LAMA2: variants seen among roughly 807,000 people sequenced by gnomAD.
The protein encoded by LAMA2 is laminin subunit alpha 2.
Under a neutral mutation model 364.8 loss-of-function variants are expected in LAMA2, and 269 were observed. That is an observed-to-expected ratio of 0.74 (90% CI 0.67 to 0.82). LAMA2 has a LOEUF of 0.82. LAMA2 is among the 40% of genes least tolerant of loss of function. The probability of loss-of-function intolerance (pLI) is 0.00; values close to 1 mark genes in which losing one functional copy is unlikely to be tolerated. For missense variants in LAMA2, 3,807 were observed against 3,873.2 expected, an observed-to-expected ratio of 0.98 and a Z score of 0.45; for synonymous variants, 1,379 against 1,370.6, an observed-to-expected ratio of 1.01 and a Z score of -0.14.
intron 12 of LAMA2, among the ~76,000 whole-genome samples, chr6:129,220,263 T>C (rs1382503198): frequency 6.6e-6 from 1 of 152,174 alleles, no homozygotes; most frequent in Non-Finnish European, 1.5e-5. Context: ...TCAAAAAACA[T>C]ATAGTGAAAT....
intron 12 of LAMA2, among the ~76,000 whole-genome samples, chr6:129,204,990 A>T (rs1448868354): frequency 6.6e-6 from 1 of 152,168 alleles, no homozygotes; most frequent in Non-Finnish European, 1.5e-5. Flanking sequence ...AACATATAGG[A>T]AAGTCAACCA....
Position 129,317,899 on chromosome 6 carries a change from C to CT in LAMA2, c.4058+1740dup, listed in dbSNP as rs200870111. On this transcript the variant is annotated intron_variant, in intron 27 of 64. Coordinates refer to ENST00000421865, the MANE Select transcript of LAMA2 (RefSeq NM_000426.4). ...ACCTTCCTACACTGTGACACTTTGT[C>CT]TTTTTTTTTTTTCCCGCCCTATGTC... Among the ~76,000 whole-genome samples, 412 of 144,588 alleles carry CT rather than the reference C, an allele frequency of 2.8e-3. 2 individuals are homozygous for CT. Among genetic ancestry groups the CT allele is most frequent in the East Asian group, 8.9e-3 (45 of 5,028 alleles). 94.9% of individuals were successfully genotyped at this position (144,588 alleles called of 152,430 possible).
At chr6:129,187,441 G>A (rs1781293132) in intron 10 of LAMA2, among the ~76,000 whole-genome samples, 1 of 151,718 alleles carries the variant, frequency 6.6e-6, no homozygotes, top group African/African-American at 2.4e-5. Context: ...TTATGCCAAT[G>A]TCTCACATTT....
In LAMA2 at chr6:129,464,344, A is replaced by G. The variant is rs1383673349; in HGVS notation, c.7047A>G (p.Ala2349=). The G allele has an allele frequency of 6.2e-7, 1 of 1,612,200 alleles. No individual in the cohort carries two copies. The highest frequency in any genetic ancestry group is 1.1e-5 in the South Asian group (1 of 91,062). ...GTIQFDGEGY[A]LVSRPIRWYP... is the part of the protein sequence containing the mutation. ...TTCAATTTGATGGAGAAGGTTATGCATTGGTCAGCCGTCCCATTCGCTGGT... is the reference window on the plus strand; with the variant it reads ...TTCAATTTGATGGAGAAGGTTATGCGTTGGTCAGCCGTCCCATTCGCTGGT... The change falls in exon 50 of 65, where the codon GCA becomes GCG. Residue 2349 remains alanine, a synonymous_variant. Transcript: ENST00000421865.
chr6:128,910,960 G>C (rs915906825), intron 1 of LAMA2, among the ~76,000 whole-genome samples: 102 of 151,354 alleles, frequency 6.7e-4, no homozygotes, highest in Admixed American at 1.3e-3. Flanking sequence ...GGGGTCAGGG[G>C]TCAGGGACCC....
intron 43 of LAMA2, among the ~76,000 whole-genome samples, chr6:129,441,878 G>T (rs1782132251): frequency 1.3e-5 from 2 of 152,094 alleles, no homozygotes; most frequent in African/African-American, 4.8e-5. Flanking sequence ...AGCCACTTGG[G>T]AGTCTGAGGC....
chr6:129,089,078 G>A (rs1173653142), intron 3 of LAMA2, among the ~76,000 whole-genome samples: 1 of 152,220 alleles, frequency 6.6e-6, no homozygotes, highest in Non-Finnish European at 1.5e-5. Context: ...TCGGGAGGCC[G>A]AGGCTGGCAG....
At chr6:129,334,858 C>A (rs1775858832) in intron 29 of LAMA2, among the ~76,000 whole-genome samples, 1 of 152,052 alleles carries the variant, frequency 6.6e-6, no homozygotes, top group African/African-American at 2.4e-5. Flanking sequence ...GAGGCTCCAG[C>A]CTCATGATGT....
At chr6:129,159,195 G>A in intron 8 of LAMA2, 2 of 1,219,360 alleles carry the variant, frequency 1.6e-6, no homozygotes, top group African/African-American at 1.5e-5. Flanking sequence ...TTAAATGACT[G>A]TCATTCAGTG....
At chr6:129,492,134 G>T in intron 57 of LAMA2, 57 bp downstream of exon 57, 2 of 1,526,444 alleles carry the variant, frequency 1.3e-6, no homozygotes, top group African/African-American at 2.7e-5. Flanking sequence ...CTTGCTATTA[G>T]GGGTCCCAAT....
chr6:129,051,203 T>A (rs1038964769), intron 2 of LAMA2, among the ~76,000 whole-genome samples: 1 of 146,818 alleles, frequency 6.8e-6, no homozygotes, highest in Non-Finnish European at 1.5e-5. Context: ...AATATATATA[T>A]AAAATATATA....
intron 10 of LAMA2, among the ~76,000 whole-genome samples, chr6:129,183,670 G>A (rs1414297896): frequency 6.6e-6 from 1 of 151,890 alleles, no homozygotes; most frequent in East Asian, 1.9e-4. Context: ...TGCTTAGCCA[G>A]GCATTTTTAA....
At chr6:128,948,310 C>T (rs1780604703) in intron 1 of LAMA2, among the ~76,000 whole-genome samples, 1 of 152,122 alleles carries the variant, frequency 6.6e-6, no homozygotes, top group African/African-American at 2.4e-5. Flanking sequence ...CTCCCTTCAT[C>T]AACAAAGATA....
chr6:129,360,215 C>T (rs1380008740), intron 32 of LAMA2, among the ~76,000 whole-genome samples: 1 of 152,148 alleles, frequency 6.6e-6, no homozygotes, highest in African/African-American at 2.4e-5. Flanking sequence ...GCCATTACTG[C>T]ACTTTATCAA....
chr6:129,431,746 G>T (rs1781607388), intron 41 of LAMA2, among the ~76,000 whole-genome samples: 1 of 152,152 alleles, frequency 6.6e-6, no homozygotes, highest in South Asian at 2.1e-4. Flanking sequence ...ACAGAGAACA[G>T]TATGAAACAT....
At position 129,165,654 on chromosome 6, in the gene LAMA2, G is replaced by C. The variant is rs1434410094; in HGVS notation, c.1285G>C (p.Asp429His). 2 of 1,611,266 alleles carry C rather than the reference G, an allele frequency of 1.2e-6. No homozygotes were observed. Among genetic ancestry groups the C allele is most frequent in the African/African-American group, 2.7e-5 (2 of 74,874 alleles). The part of the protein sequence containing the change: ...IGSLNEVCVK[D>H]EKHARRGLAP... ...TTCCTTAAATGAAGTCTGTGTCAAGGATGAGAAACATGCTCGACGAGGTGA... is the reference window on the plus strand; with the variant it reads ...TTCCTTAAATGAAGTCTGTGTCAAGCATGAGAAACATGCTCGACGAGGTGA... Residue 429 changes from aspartate to histidine, a missense_variant, in exon 9 of 65, where the codon GAT (aspartate) becomes CAT (histidine). Asp to His is a moderately conservative substitution (Grantham distance 81). Transcript: ENST00000421865.
chr6:128,987,366 G>T (rs1222178517), intron 1 of LAMA2, among the ~76,000 whole-genome samples: 1 of 151,926 alleles, frequency 6.6e-6, no homozygotes, highest in Non-Finnish European at 1.5e-5. Flanking sequence ...TGGTCTCAAA[G>T]TCCTGACCTT....
At chr6:129,250,329 A>T (rs1400008893) in intron 13 of LAMA2, 116 bp downstream of exon 13, 10 of 714,326 alleles carry the variant, frequency 1.4e-5, no homozygotes, top group Non-Finnish European at 1.5e-5. Context: ...CTAAAAAAAA[A>T]TATACCTTAG....
chr6:129,043,064 T>TA (rs1349703907), intron 1 of LAMA2, among the ~76,000 whole-genome samples: 8 of 152,318 alleles, frequency 5.3e-5, no homozygotes, highest in African/African-American at 1.2e-4. Flanking sequence ...TTATATTTAT[T>TA]AAAAACTACC....
Sources: gnomAD v4.1 joint callset for allele counts (sites outside exome capture counted in the v4.1 genomes callset) on GRCh38, gnomAD v4.1.1 for gene constraint, MANE v1.5 for transcripts, NCBI Gene and HGNC (gene_info 2026-07-23, HGNC 2026-07-21) for gene names.